GXYLT1: variants seen among roughly 807,000 people sequenced by gnomAD.
GXYLT1 encodes glucoside xylosyltransferase 1, also known as glycosyltransferase 8 domain containing 3.
In GXYLT1, 29 loss-of-function variants were observed where a neutral mutation model predicts 54.0. The ratio of observed to expected loss-of-function variants is 0.54; its 90% CI spans 0.40 to 0.73. The LOEUF is 0.73. Ranked by LOEUF, GXYLT1 falls within the 30% of genes least tolerant of loss-of-function variation. The pLI, the probability that GXYLT1 is intolerant of heterozygous loss-of-function variation, is 0.00. For synonymous variants in GXYLT1, 176 were observed against 204.1 expected, an observed-to-expected ratio of 0.86 and a Z score of 1.17; for missense variants, 490 against 553.4, an observed-to-expected ratio of 0.89 and a Z score of 1.15.
chr12:42,096,673 A>G (rs1683199), intron 7 of GXYLT1, among the ~76,000 whole-genome samples: 3,003 of 152,332 alleles, frequency 0.02, 115 homozygotes, highest in African/African-American at 0.068. Context: ...TTGGGCAAGA[A>G]CCAACGATAG....
chr12:42,096,478 A>C (rs77213064), intron 7 of GXYLT1, among the ~76,000 whole-genome samples: 1,690 of 152,302 alleles, frequency 0.011, 14 homozygotes, highest in Non-Finnish European at 0.016. Flanking sequence ...AGAAGGAAAA[A>C]TGAATTATAA....
chr12:42,142,983 C>A (rs949255369), intron 1 of GXYLT1, among the ~76,000 whole-genome samples: 2 of 152,086 alleles, frequency 1.3e-5, no homozygotes, highest in East Asian at 1.9e-4. Flanking sequence ...TAAAACTTAA[C>A]GTTTCAGTAA....
chr12:42,088,362 G>A (rs749678286), intron 7 of GXYLT1, among the ~76,000 whole-genome samples: 8 of 151,898 alleles, frequency 5.3e-5, no homozygotes, highest in Non-Finnish European at 1.2e-4. Context: ...AGGAAATGAA[G>A]TAAAGGCATA....
At chr12:42,141,863 C>T (rs1488660490) in intron 1 of GXYLT1, among the ~76,000 whole-genome samples, 5 of 152,084 alleles carry the variant, frequency 3.3e-5, no homozygotes, top group Non-Finnish European at 7.4e-5. Context: ...AAACAGAATA[C>T]ACTAACGGAT....
intron 1 of GXYLT1, 114 bp downstream of exon 1, chr12:42,144,312 C>T: frequency 1.6e-6 from 1 of 618,580 alleles, no homozygotes; most frequent in Non-Finnish European, 2.4e-6. Flanking sequence ...GGGTCAGAGA[C>T]AGGAGGAAAG....
intron 5 of GXYLT1, among the ~76,000 whole-genome samples, chr12:42,100,696 A>C (rs2065384802): frequency 6.6e-6 from 1 of 152,104 alleles, no homozygotes; most frequent in Non-Finnish European, 1.5e-5. Context: ...AGTTTTACTT[A>C]AGGAAACAAT....
intron 2 of GXYLT1, among the ~76,000 whole-genome samples, chr12:42,125,517 G>T (rs1454673841): frequency 1.3e-5 from 2 of 152,186 alleles, no homozygotes; most frequent in East Asian, 3.9e-4. Flanking sequence ...AGGAGTCCAG[G>T]AGGAGAGAGA....
intron 2 of GXYLT1, among the ~76,000 whole-genome samples, chr12:42,121,568 T>C (rs748676100): frequency 2.0e-5 from 3 of 151,966 alleles, no homozygotes; most frequent in Non-Finnish European, 4.4e-5. Context: ...AGTCCGACGT[T>C]GCAGTGAGCT....
At chr12:42,130,415 CAAT>C (rs201873275) in intron 1 of GXYLT1, among the ~76,000 whole-genome samples, 2,812 of 152,098 alleles carry the variant, frequency 0.018, 34 homozygotes, top group Middle Eastern at 0.027. Context: ...ATTAAAACCA[CAAT>C]GAGAGAACAT....
At chr12:42,138,834 G>A (rs1342036018) in intron 1 of GXYLT1, among the ~76,000 whole-genome samples, 1 of 151,932 alleles carries the variant, frequency 6.6e-6, no homozygotes, top group African/African-American at 2.4e-5. Flanking sequence ...CAACCAGGCT[G>A]GCCAACACGG....
intron 1 of GXYLT1, among the ~76,000 whole-genome samples, chr12:42,139,068 C>T (rs1187884765): frequency 1.3e-5 from 2 of 150,908 alleles, no homozygotes; most frequent in Non-Finnish European, 3.0e-5. Context: ...GTGGTGTGCA[C>T]GCCTGTAGTC....
At chr12:42,126,094 G>A (rs1344936117) in intron 2 of GXYLT1, among the ~76,000 whole-genome samples, 30 of 135,686 alleles carry the variant, frequency 2.2e-4, no homozygotes, top group Non-Finnish European at 3.5e-4. Flanking sequence ...TTTTTTTTGA[G>A]ACAGAGTCTC....
chr12:42,082,849 G>C lies in GXYLT1; in HGVS notation c.*4937C>G, dbSNP rs548244224. The C allele has an allele frequency of 6.6e-6, 1 of 152,264 alleles. No individual in the cohort carries two copies. The highest frequency in any genetic ancestry group is 1.9e-4 in the East Asian group (1 of 5,190). The allele number at this position is 152,264 out of a possible 1,614,324, so 9.4% of individuals were successfully genotyped here. A position where few individuals can be genotyped will look rare whatever the true frequency, so the allele number is the denominator to read the frequency against. ...TGATTTTTTACAAGAGGTTGCTATA[G>C]TGTGCTATGTGTGTAAATATTCAGA... On this transcript the variant is annotated 3_prime_UTR_variant, in exon 8 of 8. Transcript: ENST00000398675.
At chr12:42,130,641 A>C (rs1465391782) in intron 1 of GXYLT1, among the ~76,000 whole-genome samples, 2 of 152,226 alleles carry the variant, frequency 1.3e-5, no homozygotes, top group Admixed American at 1.3e-4. Context: ...ATATACATAC[A>C]TATACACACA....
At chr12:42,107,517 G>A (rs2065428263) in intron 4 of GXYLT1, among the ~76,000 whole-genome samples, 3 of 152,030 alleles carry the variant, frequency 2.0e-5, no homozygotes, top group Non-Finnish European at 2.9e-5. Context: ...ACGGCAAAAC[G>A]CTGTCTCTAC....
intron 3 of GXYLT1, among the ~76,000 whole-genome samples, chr12:42,112,146 G>A (rs1309176605): frequency 2.6e-5 from 4 of 152,090 alleles, no homozygotes; most frequent in African/African-American, 4.8e-5. Flanking sequence ...CCCTCTGTAC[G>A]TCACCATCAT....
intron 2 of GXYLT1, among the ~76,000 whole-genome samples, chr12:42,122,595 T>C (rs1445567700): frequency 1.3e-5 from 2 of 151,778 alleles, no homozygotes; most frequent in Non-Finnish European, 2.9e-5. Context: ...TTCAAAAAAA[T>C]AAATAAAAAG....
Position 42,084,293 on chromosome 12 carries a change from C to G in GXYLT1, c.*3493G>C. On this transcript the variant is annotated 3_prime_UTR_variant, in exon 8 of 8. Coordinates refer to ENST00000398675, the MANE Select transcript of GXYLT1 (RefSeq NM_173601.2). ...CTTACTCCTTTCTCTTTCCTCACCCCTTTTCTCACTTCCTCTCTTTTCCTT... is the reference window on the plus strand; with the variant it reads ...CTTACTCCTTTCTCTTTCCTCACCCGTTTTCTCACTTCCTCTCTTTTCCTT... 1 of 152,402 alleles carries G rather than the reference C, an allele frequency of 6.6e-6. No homozygotes were observed. The highest frequency in any genetic ancestry group is 1.5e-5 in the Non-Finnish European group (1 of 68,112). The allele number at this position is 152,402 out of a possible 1,614,324, so 9.4% of individuals were successfully genotyped here.
chr12:42,127,688 T>A (rs1289158908), intron 2 of GXYLT1, among the ~76,000 whole-genome samples: 1 of 152,186 alleles, frequency 6.6e-6, no homozygotes, highest in Non-Finnish European at 1.5e-5. Flanking sequence ...TAAATCAGAG[T>A]ATGCTGAACT....
Sources: allele counts gnomAD v4.1 joint callset (sites outside exome capture counted in the v4.1 genomes callset), GRCh38; gene constraint gnomAD v4.1.1; transcripts MANE v1.5; gene names NCBI Gene and HGNC (gene_info 2026-07-23, HGNC 2026-07-21).